RB1: variants seen among roughly 807,000 people sequenced by gnomAD.
RB1 encodes the protein retinoblastoma-associated protein.
A neutral mutation model predicts 135.4 loss-of-function variants in RB1; 18 were observed. The ratio of observed to expected loss-of-function variants is 0.13; its 90% CI spans 0.09 to 0.20. The LOEUF (loss-of-function observed/expected upper bound fraction) is 0.20, where lower values mean the gene tolerates loss of function less well. Ranked by LOEUF, RB1 falls within the 10% of genes least tolerant of loss-of-function variation. The probability of loss-of-function intolerance (pLI) is 1.00; values close to 1 mark genes in which losing one functional copy is unlikely to be tolerated. For synonymous variants in RB1, 365 were observed against 373.2 expected (o/e 0.98, Z 0.25); for missense variants, 868 against 1,110.0 (o/e 0.78, Z 3.10).
intron 2 of RB1, chr13:48,318,583 G>C: frequency 1.6e-6 from 1 of 631,640 alleles, no homozygotes; most frequent in Non-Finnish European, 2.8e-6. Context: ...GGCAGGTCCC[G>C]CCCCTCATGG....
intron 17 of RB1, chr13:48,426,721 C>G (rs531329975): frequency 6.6e-6 from 1 of 152,292 alleles, no homozygotes; most frequent in South Asian, 2.1e-4. Context: ...GACTTCTAGT[C>G]AAATGTTCTC....
At chr13:48,305,715 G>A (rs1424432313) in intron 1 of RB1, among the ~76,000 whole-genome samples, 1 of 152,110 alleles carries the variant, frequency 6.6e-6, no homozygotes, top group Non-Finnish European at 1.5e-5. Context: ...CCCACAAAGG[G>A]TTTCATTAAC....
intron 2 of RB1, among the ~76,000 whole-genome samples, chr13:48,315,043 AT>A (rs113924372): frequency 2.0e-4 from 30 of 150,554 alleles, no homozygotes; most frequent in East Asian, 7.8e-4. Context: ...TTTAAAATAG[AT>A]TTTTTTTTTC....
At chr13:48,323,946 A>G (rs886263408) in intron 2 of RB1, among the ~76,000 whole-genome samples, 1 of 151,830 alleles carries the variant, frequency 6.6e-6, no homozygotes, top group African/African-American at 2.4e-5. Context: ...ACCTTTCTAT[A>G]TTTTACTTTC....
At chr13:48,398,937 C>T (rs1429928321) in intron 17 of RB1, among the ~76,000 whole-genome samples, 1 of 152,068 alleles carries the variant, frequency 6.6e-6, no homozygotes, top group Non-Finnish European at 1.5e-5. Flanking sequence ...CTCCTTTGTG[C>T]AGTGCACTGT....
At chr13:48,445,438 G>A (rs1949278978) in intron 17 of RB1, among the ~76,000 whole-genome samples, 1 of 152,054 alleles carries the variant, frequency 6.6e-6, no homozygotes, top group South Asian at 2.1e-4. Flanking sequence ...CTCTTCTTTA[G>A]CAACCTCTCC....
intron 17 of RB1, among the ~76,000 whole-genome samples, chr13:48,430,560 T>G (rs1002490422): frequency 2.0e-5 from 3 of 152,042 alleles, no homozygotes; most frequent in Non-Finnish European, 4.4e-5. Context: ...GCTAACGTGG[T>G]GAAACCCCGT....
At chr13:48,428,975 C>G (rs1192696623) in intron 17 of RB1, among the ~76,000 whole-genome samples, 1 of 152,138 alleles carries the variant, frequency 6.6e-6, no homozygotes, top group African/African-American at 2.4e-5. Context: ...TCAGGATGCT[C>G]CTGGAAGCTG....
intron 24 of RB1, among the ~76,000 whole-genome samples, chr13:48,475,527 A>G (rs967889992): frequency 2.0e-5 from 3 of 152,256 alleles, no homozygotes; most frequent in Non-Finnish European, 4.4e-5. Flanking sequence ...TGCTTTGCCC[A>G]GAGCAGGGAC....
intron 13 of RB1, among the ~76,000 whole-genome samples, chr13:48,377,993 A>G (rs1342576210): frequency 6.6e-6 from 1 of 152,178 alleles, no homozygotes; most frequent in Non-Finnish European, 1.5e-5. Context: ...AAAATGGAAC[A>G]TTTGCACAGA....
In RB1 at chr13:48,481,584, T is replaced by C. The variant is rs951456420; in HGVS notation, c.*1513T>C. ...ATTTTGACAGTTATTTTGATAACAATGACACTAGAAAACTTGACTCCATTT... is the reference window on the plus strand; with the variant it reads ...ATTTTGACAGTTATTTTGATAACAACGACACTAGAAAACTTGACTCCATTT... On this transcript the variant is annotated 3_prime_UTR_variant, in exon 27 of 27. Coordinates refer to ENST00000267163, the MANE Select transcript of RB1 (RefSeq NM_000321.3). The C allele has an allele frequency of 4.3e-6, 1 of 230,726 alleles. No individual in the cohort carries two copies. The highest frequency in any genetic ancestry group is 2.2e-5 in the African/African-American group (1 of 45,282). The allele number at this position is 230,726 out of a possible 1,614,324, so 14.3% of individuals were successfully genotyped here. A position where few individuals can be genotyped will look rare whatever the true frequency, so the allele number is the denominator to read the frequency against.
chr13:48,367,713 AT>A, intron 10 of RB1, 110 bp downstream of exon 10: 1 of 1,274,962 alleles, frequency 7.8e-7, no homozygotes, highest in Non-Finnish European at 1.1e-6. Flanking sequence ...TTTATAACAA[AT>A]TACTTTCAAA....
intron 2 of RB1, among the ~76,000 whole-genome samples, chr13:48,315,936 A>G (rs1021003392): frequency 1.3e-5 from 2 of 152,206 alleles, no homozygotes; most frequent in African/African-American, 4.8e-5. Flanking sequence ...TTTTCCATAG[A>G]GGTTGTGCTA....
Position 48,432,419 on chromosome 13 carries a change from G to GT in RB1, c.1696-20567dup, listed in dbSNP as rs1949139471. ...CTCATAAAATAGGAATGCATGTTTT[G>GT]TTTTTTTGTTTTTTTTTTTGGGCTA... is the stretch of plus-strand genomic sequence containing the variant. On this transcript the variant is annotated intron_variant, in intron 17 of 26. Transcript: ENST00000267163. Among the ~76,000 whole-genome samples, 5 of 145,792 alleles carry GT rather than the reference G, an allele frequency of 3.4e-5. No homozygotes were observed. The South Asian group carries it at 9.0e-4, about 26-fold the overall frequency.
chr13:48,349,175 C>G, intron 6 of RB1, 152 bp downstream of exon 6: 1 of 742,234 alleles, frequency 1.3e-6, no homozygotes, highest in East Asian at 3.2e-5. Flanking sequence ...TCCTATAATT[C>G]TGGTACTAGA....
In RB1 at chr13:48,367,483, T is replaced by C; in HGVS notation, c.940-11T>C. 6.2e-7 allele frequency: 1 copy of C among 1,600,042 alleles called. No individual in the cohort carries two copies. Among genetic ancestry groups the C allele is most frequent in the Non-Finnish European group, 8.5e-7 (1 of 1,171,876 alleles). ...GTAAAGGATAATTGTCAGTGACTTT[T>C]TTCTTTCAAGGTTGAAAATCTTTCT... On this transcript the variant is annotated splice_polypyrimidine_tract_variant and intron_variant, in intron 9 of 26. Transcript: ENST00000267163.
At chr13:48,476,026 C>T (rs547415666) in intron 24 of RB1, among the ~76,000 whole-genome samples, 21 of 152,220 alleles carry the variant, frequency 1.4e-4, no homozygotes, top group South Asian at 4.2e-4. Context: ...AATAGCAGCA[C>T]GGGATTTAGT....
chr13:48,345,166 A>G lies in RB1; in HGVS notation c.467A>G (p.Asp156Gly). ...NAMSRLLKKY[D>G]VLFALFSKLE... ...ATGTCAAGACTGTTGAAGAAGTATG[A>G]TGTATTGTTTGCACTCTTCAGCAAA... The change falls in exon 4 of 27, where the codon GAT becomes GGT. Residue 156 changes from aspartate to glycine, a missense_variant. Physicochemically the swap from Asp to Gly is moderately conservative, Grantham distance 94. Around this residue, in one of 3 missense-constraint regions of RB1, gnomAD observed 641 missense variants for 791.3 expected, o/e 0.81. Transcript: ENST00000267163. 1.9e-6 allele frequency: 3 copies of G among 1,612,796 alleles called. No homozygotes were observed. Among genetic ancestry groups the G allele is most frequent in the Non-Finnish European group, 2.5e-6 (3 of 1,179,540 alleles).
intron 23 of RB1, among the ~76,000 whole-genome samples, chr13:48,465,865 C>T (rs558167994): frequency 0.012 from 1,864 of 150,842 alleles, 31 homozygotes; most frequent in African/African-American, 0.042. Flanking sequence ...TAAGAAACGG[C>T]GCACCACGAG....
Sources: allele counts gnomAD v4.1 joint callset (sites outside exome capture counted in the v4.1 genomes callset), GRCh38; gene constraint gnomAD v4.1.1; regional missense constraint gnomAD v4.1.1; transcripts MANE v1.5; gene names NCBI Gene and HGNC (gene_info 2026-07-23, HGNC 2026-07-21).